The following PLEKHM2 variants were observed in gnomAD, a reference collection of about 807,000 sequenced individuals.
PLEKHM2 encodes the protein pleckstrin homology domain-containing family M member 2.
PLEKHM2 carries 77 observed loss-of-function variants against 116.3 expected under a neutral mutation model. The ratio of observed to expected loss-of-function variants is 0.66; its 90% confidence interval spans 0.55 to 0.80. The LOEUF is 0.80. Ranked by LOEUF, PLEKHM2 falls within the 30% of genes least tolerant of loss-of-function variation. The probability of loss-of-function intolerance (pLI) is 0.00; values close to 1 mark genes in which losing one functional copy is unlikely to be tolerated. For synonymous variants in PLEKHM2, 562 were observed against 571.0 expected, an observed-to-expected ratio of 0.98 and a Z score of 0.22; for missense variants, 1,183 against 1,354.9, an observed-to-expected ratio of 0.87 and a Z score of 1.99.
At chr1:15,688,454 C>A (rs912895316) in intron 1 of PLEKHM2, among the ~76,000 whole-genome samples, 1 of 152,066 alleles carries the variant, frequency 6.6e-6, no homozygotes, top group Non-Finnish European at 1.5e-5. Context: ...AAGTTCAAGA[C>A]CAGCCTTGCC....
At chr1:15,692,603 G>A (rs901575789) in intron 1 of PLEKHM2, among the ~76,000 whole-genome samples, 3 of 152,070 alleles carry the variant, frequency 2.0e-5, no homozygotes, top group Non-Finnish European at 4.4e-5. Flanking sequence ...CACTTTTTTC[G>A]TTTTTTGGTT....
intron 1 of PLEKHM2, among the ~76,000 whole-genome samples, chr1:15,686,647 A>ATTTTTTTTTTTTTTTTTT (rs1361252513): frequency 7.1e-6 from 1 of 140,876 alleles, no homozygotes; most frequent in African/African-American, 3.0e-5. Flanking sequence ...CACCCGGCTA[A>ATTTTTTTTTTTTTTTTTT]ATTTTTTTTT....
chr1:15,730,622 C>T lies in PLEKHM2; in HGVS notation c.2299C>T (p.Pro767Ser), dbSNP rs539041277. The part of the protein sequence containing the change: ...SLGPTPCHCS[P>S]PEGTITKEGM... ...GGGCCCCACGCCCTGCCACTGCTCA[C>T]CCCCCGAGGGCACCATCACCAAAGA... Residue 767 changes from proline to serine, a missense_variant, in exon 15 of 20, where the codon CCC becomes TCC. By Grantham distance (74) the Pro-to-Ser change is moderately conservative. Transcript: ENST00000375799. The T allele has an allele frequency of 6.2e-7, 1 of 1,607,754 alleles. No homozygotes were observed. The highest frequency in any genetic ancestry group is 8.5e-7 in the Non-Finnish European group (1 of 1,177,516).
intron 6 of PLEKHM2, chr1:15,720,425 C>T (rs36100011): frequency 0.27 from 264,366 of 984,218 alleles, 40,531 homozygotes; most frequent in African/African-American, 0.65. Context: ...GTTCCTTCTG[C>T]GCTCGCTGAT....
In PLEKHM2 at chr1:15,727,161, C is replaced by G; in HGVS notation, c.1089C>G (p.Asp363Glu). 1.3e-6 allele frequency: 2 copies of G among 1,599,844 alleles called. No individual in the cohort carries two copies. Among genetic ancestry groups the G allele is most frequent in the Non-Finnish European group, 1.7e-6 (2 of 1,172,630 alleles). The change falls in exon 9 of 20, where the codon GAC becomes GAG. Residue 363 changes from aspartate (D) to glutamate (E), a missense_variant. Transcript: ENST00000375799. This position sits in a 1 kb window ranked among gnomAD's most constrained non-coding sequence, Gnocchi z 7.5. ...SRNGSPSLGR[D>E]SPDTMLASPQ... is the part of the protein sequence containing the mutation. ...ACGGCAGCCCAAGCCTTGGGCGGGA[C>G]TCGCCAGACACTATGCTTGCCTCCC...
intron 1 of PLEKHM2, among the ~76,000 whole-genome samples, chr1:15,705,712 C>T (rs997621980): frequency 2.0e-5 from 3 of 152,214 alleles, no homozygotes; most frequent in Non-Finnish European, 4.4e-5. Context: ...TCCCAGCCCC[C>T]ATTTTCCCAT....
In PLEKHM2 at chr1:15,719,924, A is replaced by G; in HGVS notation, c.652+4A>G. 1 of 1,610,004 alleles carries G rather than the reference A, an allele frequency of 6.2e-7. No homozygotes were observed. The highest frequency in any genetic ancestry group is 8.5e-7 in the Non-Finnish European group (1 of 1,177,496). On this transcript the variant is annotated splice_donor_region_variant and intron_variant, in intron 6 of 19. Transcript: ENST00000375799. This position sits in a 1 kb window ranked among gnomAD's most constrained non-coding sequence, Gnocchi z 4.1. ...GCGATTGCCCCATCTAGTGAGGGTGAGTGGCCCCAGGGCAGAAAAGCTAAG... is the reference window on the plus strand; with the variant it reads ...GCGATTGCCCCATCTAGTGAGGGTGGGTGGCCCCAGGGCAGAAAAGCTAAG...
chr1:15,709,021 G>A (rs1641277586), intron 1 of PLEKHM2, among the ~76,000 whole-genome samples: 1 of 152,174 alleles, frequency 6.6e-6, no homozygotes. Flanking sequence ...AGGAAAACGA[G>A]TTTCGAGAGG....
rs2068113177 is a variant in PLEKHM2, at chr1:15,729,734, A to G, written c.2076-63A>G. 1 of 1,473,290 alleles carries G rather than the reference A, an allele frequency of 6.8e-7. No homozygotes were observed. The highest frequency in any genetic ancestry group is 1.4e-5 in the African/African-American group (1 of 71,118). 91.3% of individuals were successfully genotyped at this position (1,473,290 alleles called of 1,614,324 possible). A position where few individuals can be genotyped will look rare whatever the true frequency, so the allele number is the denominator to read the frequency against. On this transcript the variant is annotated intron_variant, in intron 13 of 19. Coordinates refer to ENST00000375799, the MANE Select transcript of PLEKHM2 (RefSeq NM_015164.4). This position sits in a 1 kb window ranked among gnomAD's most constrained non-coding sequence, Gnocchi z 4.7. ...CTCCAGGCCAGCAGCGCTCAAGACT[A>G]AGCCCTGTCCAGTTGAGGCCCTGTT...
intron 7 of PLEKHM2, among the ~76,000 whole-genome samples, chr1:15,723,724 G>A (rs536261847): frequency 3.3e-4 from 44 of 134,632 alleles, no homozygotes; most frequent in African/African-American, 1.0e-3. Flanking sequence ...CAGTCCGAGC[G>A]ACACAGCGAG....
In PLEKHM2 at chr1:15,728,568, G is replaced by GGAGAGGCCCTCTAA; in HGVS notation, c.1922-94_1922-81dup. ...ACGCCATTCTCCTACTGCAGGGCAA[G>GGAGAGGCCCTCTAA]GAGAGGCCCTCTAAGAGAGGGGGCT... On this transcript the variant is annotated intron_variant, in intron 11 of 19. Coordinates refer to ENST00000375799, the MANE Select transcript of PLEKHM2 (RefSeq NM_015164.4). The surrounding 1 kb of genome is among the most constrained non-coding windows in gnomAD (Gnocchi z 5.9). The GGAGAGGCCCTCTAA allele has an allele frequency of 8.7e-7, 1 of 1,146,068 alleles. No homozygotes were observed. Among genetic ancestry groups the GGAGAGGCCCTCTAA allele is most frequent in the Non-Finnish European group, 1.3e-6 (1 of 780,838 alleles). 71.0% of individuals were successfully genotyped at this position (1,146,068 alleles called of 1,614,324 possible).
At chr1:15,708,285 C>G (rs1389952029) in intron 1 of PLEKHM2, among the ~76,000 whole-genome samples, 1 of 152,008 alleles carries the variant, frequency 6.6e-6, no homozygotes, top group Non-Finnish European at 1.5e-5. Context: ...GGCACGATCT[C>G]AGCTCATTGC....
chr1:15,723,932 ACCAGCCATGGCCCTTG>A (rs1557656932), intron 7 of PLEKHM2, among the ~76,000 whole-genome samples: 4 of 152,316 alleles, frequency 2.6e-5, no homozygotes, highest in African/African-American at 9.6e-5. Context: ...ATAGAGCACG[ACCAGCCATGGCCCTTG>A]CCATTGACCC....
At chr1:15,710,593 C>T (rs1313238023) in intron 1 of PLEKHM2, among the ~76,000 whole-genome samples, 2 of 152,034 alleles carry the variant, frequency 1.3e-5, no homozygotes, top group African/African-American at 2.4e-5. Flanking sequence ...TCCCAAGGTG[C>T]TGGGATTACA....
Position 15,728,724 on chromosome 1 carries a change from CT to C in PLEKHM2, c.1978del (p.Tyr660MetfsTer11). ...AGGCCGTTTCTTACAATGAACTTGA[CT>C]ATGTGTCGGTGAGTCCAGGCCCCGC... ...EEAVSYNELD[Y>X]VSVGLDQQTV... On this transcript the variant is annotated frameshift_variant, in exon 12 of 20. Coordinates refer to ENST00000375799, the MANE Select transcript of PLEKHM2 (RefSeq NM_015164.4). LOFTEE classifies it high-confidence loss of function. This position sits in a 1 kb window ranked among gnomAD's most constrained non-coding sequence, Gnocchi z 5.9. The C allele has an allele frequency of 6.2e-7, 1 of 1,609,742 alleles. No individual in the cohort carries two copies. Among genetic ancestry groups the C allele is most frequent in the South Asian group, 1.1e-5 (1 of 90,148 alleles).
intron 1 of PLEKHM2, among the ~76,000 whole-genome samples, chr1:15,708,703 G>GTGA (rs1232265534): frequency 1.3e-5 from 2 of 152,150 alleles, no homozygotes; most frequent in African/African-American, 4.8e-5. Flanking sequence ...AATTATACTT[G>GTGA]TGAGCCACCA....
intron 1 of PLEKHM2, among the ~76,000 whole-genome samples, chr1:15,712,296 C>T (rs1641351515): frequency 6.6e-6 from 1 of 152,140 alleles, no homozygotes; most frequent in Non-Finnish European, 1.5e-5. Context: ...TACTATTTTT[C>T]ACCAAATGGA....
intron 1 of PLEKHM2, among the ~76,000 whole-genome samples, chr1:15,694,627 A>G (rs1280881189): frequency 1.3e-5 from 2 of 152,138 alleles, no homozygotes; most frequent in South Asian, 2.1e-4. Context: ...GCGGGAGATT[A>G]AAGTTTAGGC....
chr1:15,689,487 C>T (rs1640845126), intron 1 of PLEKHM2, among the ~76,000 whole-genome samples: 1 of 152,186 alleles, frequency 6.6e-6, no homozygotes, highest in Non-Finnish European at 1.5e-5. Context: ...GACACAAACG[C>T]AGGCTTCAGC....
Sources: gnomAD v4.1 joint callset for allele counts (sites outside exome capture counted in the v4.1 genomes callset) on GRCh38, gnomAD v4.1.1 for gene constraint, Gnocchi (gnomAD v3.1) non-coding constraint, MANE v1.5 for transcripts, NCBI Gene and HGNC (gene_info 2026-07-23, HGNC 2026-07-21) for gene names.